The following DUX4 variants were observed in gnomAD, a reference collection of about 807,000 sequenced individuals.
DUX4 encodes double homeobox 4.
downstream of DUX4, among the ~76,000 whole-genome samples, chr4:190,177,703 C>T (rs1579833178): frequency 1.3e-5 from 2 of 150,876 alleles, no homozygotes; most frequent in Non-Finnish European, 1.5e-5. Context: ...AGTTACATCA[C>T]CTGCGTGATC....
chr4:190,178,933 T>TA (rs1742464845), downstream of DUX4, among the ~76,000 whole-genome samples: 1 of 64,922 alleles, frequency 1.5e-5, no homozygotes, highest in Admixed American at 2.4e-4. Context: ...AGAGTCCGTC[T>TA]CCTGGGTGAT....
At chr4:190,181,587 C>A (rs1579837807) in intron 1 of DUX4, among the ~76,000 whole-genome samples, 70 of 4,434 alleles carry the variant, frequency 0.016, 1 homozygote, top group Non-Finnish European at 0.025. Flanking sequence ...CCTAGTCAAG[C>A]GTTACATCAC....
chr4:190,179,943 A>ATACTTACATCACCTGAG (rs1742520251), downstream of DUX4, among the ~76,000 whole-genome samples: 1 of 152,286 alleles, frequency 6.6e-6, no homozygotes, highest in Admixed American at 6.5e-5. Flanking sequence ...AGCCTAGACA[A>ATACTTACATCACCTGAG]TAGTTACATC....
In DUX4 at chr4:190,175,272, C is replaced by T. The variant is rs1400934322; in HGVS notation, c.*224C>T. 10,927 of 73,790 alleles carry T rather than the reference C, an allele frequency of 0.15. 2 individuals carry two copies. Among genetic ancestry groups the T allele is most frequent in the East Asian group, 0.16 (375 of 2,360 alleles). The allele number at this position is 73,790 out of a possible 1,614,324, so 4.6% of individuals were successfully genotyped here. A position where few individuals can be genotyped will look rare whatever the true frequency, so the allele number is the denominator to read the frequency against. On this transcript the variant is annotated 3_prime_UTR_variant, in exon 1 of 2. Coordinates refer to ENST00000565211, the MANE Select transcript of DUX4 (RefSeq NM_001306068.3). ...CATCCCGGGGATCCCAGAGCCGGCC[C>T]AGGTACCAGCAGGTGGGCCGCCTAC...
chr4:190,181,577 C>T (rs1579837793), intron 1 of DUX4, among the ~76,000 whole-genome samples: 37 of 77,454 alleles, frequency 4.8e-4, no homozygotes, highest in East Asian at 1.2e-3. Flanking sequence ...GTAGGCAGAG[C>T]CTAGTCAAGC....
intron 1 of DUX4, among the ~76,000 whole-genome samples, chr4:190,182,429 AG>A (rs1312442164): frequency 1.6e-4 from 6 of 37,838 alleles, no homozygotes; most frequent in African/African-American, 3.5e-4. Context: ...GGGCTGGGTT[AG>A]GTTTAGGGTT....
downstream of DUX4, among the ~76,000 whole-genome samples, chr4:190,176,696 A>T (rs1316361844): frequency 4.4e-5 from 5 of 113,008 alleles, no homozygotes; most frequent in South Asian, 3.1e-4. Context: ...ATCAGTTCAG[A>T]GATGTGTCAG....
intron 1 of DUX4, among the ~76,000 whole-genome samples, chr4:190,181,738 G>T (rs2126585146): frequency 8.7e-3 from 957 of 109,950 alleles, no homozygotes; most frequent in Non-Finnish European, 0.01. Flanking sequence ...ACATCACCTG[G>T]GTGATCAGTG....
At chr4:190,181,632 CCCTGT>C (rs1742587364) in intron 1 of DUX4, among the ~76,000 whole-genome samples, 246 of 109,830 alleles carry the variant, frequency 2.2e-3, no homozygotes, top group Non-Finnish European at 3.2e-3. Flanking sequence ...TCAGAAAGCC[CCCTGT>C]AGGCAGAGCC....
chr4:190,178,676 T>TTCAGAGATATGTCACAAAGCTCCTTTAG (rs1742442218), downstream of DUX4, among the ~76,000 whole-genome samples: 1 of 152,112 alleles, frequency 6.6e-6, no homozygotes, highest in African/African-American at 2.4e-5. Context: ...AAGTGATCAG[T>TTCAGAGATATGTCACAAAGCTCCTTTAG]GCAGAGATAT....
At chr4:190,177,763 T>C (rs2126569926), downstream of DUX4, among the ~76,000 whole-genome samples, 1 of 152,396 alleles carries the variant, frequency 6.6e-6, no homozygotes, top group Non-Finnish European at 1.5e-5. Flanking sequence ...TAGACAAGAG[T>C]CCCATCACCT....
intron 1 of DUX4, among the ~76,000 whole-genome samples, chr4:190,181,681 C>T (rs1579837943): frequency 1.3e-4 from 19 of 141,028 alleles, no homozygotes; most frequent in African/African-American, 2.7e-4. Flanking sequence ...GTGATCAGTG[C>T]AGAAATATGT....
downstream of DUX4, among the ~76,000 whole-genome samples, chr4:190,178,897 A>G (rs1742461535): frequency 1.0e-3 from 132 of 127,614 alleles, no homozygotes; most frequent in Non-Finnish European, 1.3e-3. Context: ...CTATGTCACA[A>G]TGCCCCCATA....
At chr4:190,183,126 A>AG (rs1742622145) in intron 1 of DUX4, 2 of 40,384 alleles carry the variant, frequency 5.0e-5, no homozygotes, top group Non-Finnish European at 7.7e-5. Flanking sequence ...TTTAGGGTTA[A>AG]GGTTAGGGTT....
chr4:190,177,173 C>CACAGCTATGTCAAAACGCCCCTGTAGGG (rs1742347357), downstream of DUX4, among the ~76,000 whole-genome samples: 7 of 69,632 alleles, frequency 1.0e-4, no homozygotes, highest in South Asian at 5.9e-4. Flanking sequence ...ATGATCTGTG[C>CACAGCTATGTCAAAACGCCCCTGTAGGG]AGAGCTATGT....
downstream of DUX4, among the ~76,000 whole-genome samples, chr4:190,177,789 A>G (rs1742386236): frequency 6.7e-5 from 10 of 148,640 alleles, no homozygotes; most frequent in East Asian, 5.9e-4. Context: ...ATCAGTGCAG[A>G]GTTATGTCAC....
At chr4:190,179,780 A>ATTCCTCTGTAGAT, downstream of DUX4, among the ~76,000 whole-genome samples, 1 of 149,298 alleles carries the variant, frequency 6.7e-6, no homozygotes, top group South Asian at 2.1e-4. Context: ...GATATGTCAA[A>ATTCCTCTGTAGAT]ATGCCCCTGT....
At chr4:190,179,988 C>T (rs879190224), downstream of DUX4, among the ~76,000 whole-genome samples, 9 of 150,854 alleles carry the variant, frequency 6.0e-5, no homozygotes, top group African/African-American at 7.3e-5. Context: ...TGTCACAATG[C>T]CCCTTTAGGC....
intron 1 of DUX4, among the ~76,000 whole-genome samples, chr4:190,181,702 C>T (rs1742590588): frequency 2.0e-4 from 30 of 149,200 alleles, no homozygotes; most frequent in South Asian, 4.2e-4. Context: ...CACAATGCCC[C>T]CATAGGCAGA....
Sources: gnomAD v4.1 joint callset for allele counts (sites outside exome capture counted in the v4.1 genomes callset) on GRCh38, gnomAD v4.1.1 for gene constraint, MANE v1.5 for transcripts, NCBI Gene and HGNC (gene_info 2026-07-23, HGNC 2026-07-21) for gene names.